The following SMCO4 variants were observed in gnomAD, a reference collection of about 807,000 sequenced individuals.
SMCO4 encodes single-pass membrane and coiled-coil domain-containing protein 4.
In SMCO4, 4 loss-of-function variants were observed where a neutral mutation model predicts 3.6. The ratio of observed to expected loss-of-function variants is 1.11; its 90% CI spans 0.54 to 2.53. The LOEUF (loss-of-function observed/expected upper bound fraction) is 2.53. Ranked by LOEUF, SMCO4 falls within the 30% of genes most tolerant of loss-of-function variation. The pLI is 0.02. For missense variants in SMCO4, 70 were observed against 80.8 expected (o/e 0.87, Z 0.51); for synonymous variants, 36 against 35.3 (o/e 1.02, Z -0.07).
intron 1 of SMCO4, among the ~76,000 whole-genome samples, chr11:93,502,105 T>C (rs963150102): frequency 1.3e-5 from 2 of 152,042 alleles, no homozygotes; most frequent in African/African-American, 4.8e-5. Flanking sequence ...TGGCAGGCAA[T>C]GCAGGAGCTA....
At chr11:93,516,817 G>C (rs1321468876) in intron 1 of SMCO4, among the ~76,000 whole-genome samples, 2 of 150,448 alleles carry the variant, frequency 1.3e-5, no homozygotes, top group African/African-American at 4.9e-5. Flanking sequence ...AAAAAAAGTA[G>C]AGAGAGAGAT....
intron 2 of SMCO4, among the ~76,000 whole-genome samples, chr11:93,486,709 C>T (rs1486850564): frequency 6.6e-6 from 1 of 152,114 alleles, no homozygotes; most frequent in Admixed American, 6.5e-5. Context: ...TGAAGGGGTG[C>T]CTGCCGAGAA....
chr11:93,539,955 A>T (rs1949257960), intron 1 of SMCO4, among the ~76,000 whole-genome samples: 1 of 150,746 alleles, frequency 6.6e-6, no homozygotes, highest in Non-Finnish European at 1.5e-5. Context: ...AACAAAATTA[A>T]TTTAAAAAAA....
At position 93,522,050 on chromosome 11, in the gene SMCO4, A is replaced by T. The variant is rs143745931; in HGVS notation, c.-154+21226T>A. 1.4e-3 allele frequency among the ~76,000 whole-genome samples: 206 copies of T among 152,348 alleles called. No individual in the cohort carries two copies. In the Middle Eastern group the frequency reaches 0.031, roughly 23 times the overall value. ...TCTCTGACTGTGGATTGTGATTAAC[A>T]GTTTGAAAAGCCCCAACTCTAGCCC... On this transcript the variant is annotated intron_variant, in intron 1 of 2. Transcript: ENST00000298966.
chr11:93,523,986 GT>G (rs1279562799), intron 1 of SMCO4, among the ~76,000 whole-genome samples: 4 of 152,172 alleles, frequency 2.6e-5, no homozygotes, highest in African/African-American at 4.8e-5. Flanking sequence ...TCTCCTTCTT[GT>G]TTTGGGGGAG....
At chr11:93,536,911 GACA>G (rs1949231206) in intron 1 of SMCO4, among the ~76,000 whole-genome samples, 1 of 152,216 alleles carries the variant, frequency 6.6e-6, no homozygotes, top group African/African-American at 2.4e-5. Flanking sequence ...TCCCAAGACT[GACA>G]AAGTTCAAGC....
intron 1 of SMCO4, among the ~76,000 whole-genome samples, chr11:93,517,700 T>C (rs1949020736): frequency 6.6e-6 from 1 of 152,142 alleles, no homozygotes; most frequent in Non-Finnish European, 1.5e-5. Flanking sequence ...ACAGCAACCC[T>C]AGAAAGTAAT....
chr11:93,547,381 A>C (rs1321095022), upstream of SMCO4, among the ~76,000 whole-genome samples: 1 of 152,200 alleles, frequency 6.6e-6, no homozygotes, highest in Non-Finnish European at 1.5e-5. Flanking sequence ...AGGATAACAA[A>C]ACCAGTGAAT....
intron 1 of SMCO4, among the ~76,000 whole-genome samples, chr11:93,504,591 A>T (rs1354022545): frequency 2.0e-5 from 3 of 152,188 alleles, no homozygotes; most frequent in Admixed American, 2.0e-4. Flanking sequence ...ACACTGACCT[A>T]ATCTTCTTAC....
intron 1 of SMCO4, among the ~76,000 whole-genome samples, chr11:93,514,374 C>CTATATACATA (rs1364668717): frequency 2.6e-5 from 1 of 39,080 alleles, no homozygotes; most frequent in Admixed American, 3.0e-4. Flanking sequence ...CAGGATGAGG[C>CTATATACATA]TATATATATA....
chr11:93,543,787 T>C (rs1470856759), upstream of SMCO4, among the ~76,000 whole-genome samples: 1 of 152,276 alleles, frequency 6.6e-6, no homozygotes, highest in African/African-American at 2.4e-5. Flanking sequence ...GTTAGCGCCC[T>C]GTCTGGAATA....
intron 1 of SMCO4, among the ~76,000 whole-genome samples, chr11:93,534,398 A>AGAGAGATC (rs1157579206): frequency 6.9e-6 from 1 of 145,948 alleles, no homozygotes; most frequent in South Asian, 2.2e-4. Flanking sequence ...AGAGAGAGAT[A>AGAGAGATC]CATATATATA....
chr11:93,496,109 T>C (rs1260356641), intron 2 of SMCO4, among the ~76,000 whole-genome samples: 1 of 152,122 alleles, frequency 6.6e-6, no homozygotes, highest in Non-Finnish European at 1.5e-5. Flanking sequence ...GCAAGGGAAT[T>C]ACATGATTTG....
upstream of SMCO4, among the ~76,000 whole-genome samples, chr11:93,545,938 T>C (rs1949312876): frequency 6.6e-6 from 1 of 152,226 alleles, no homozygotes; most frequent in Non-Finnish European, 1.5e-5. Flanking sequence ...GGAAAGACCC[T>C]GAGAAGAGAA....
intron 1 of SMCO4, among the ~76,000 whole-genome samples, chr11:93,514,773 G>A (rs1418603200): frequency 2.6e-5 from 4 of 152,094 alleles, no homozygotes; most frequent in Non-Finnish European, 5.9e-5. Context: ...TGAAGGTATC[G>A]TTTTTAATAG....
chr11:93,538,285 C>T (rs1334049922), intron 1 of SMCO4, among the ~76,000 whole-genome samples: 1 of 152,202 alleles, frequency 6.6e-6, no homozygotes, highest in African/African-American at 2.4e-5. Context: ...ACTCCTGCTT[C>T]CCAGTCAACC....
chr11:93,490,282 C>T (rs966431283), intron 2 of SMCO4, among the ~76,000 whole-genome samples: 3 of 152,214 alleles, frequency 2.0e-5, no homozygotes, highest in African/African-American at 7.2e-5. Flanking sequence ...AACACAGCTA[C>T]TATGTCTTTA....
the SMCO4 span, among the ~76,000 whole-genome samples, chr11:93,551,667 G>A: frequency 2.6e-5 from 4 of 152,286 alleles, no homozygotes; most frequent in Admixed American, 6.5e-5. Flanking sequence ...CCTGGAGAGC[G>A]GATGGCTCTA....
chr11:93,499,670 C>T (rs1048867306), intron 1 of SMCO4, among the ~76,000 whole-genome samples: 107 of 152,328 alleles, frequency 7.0e-4, no homozygotes, highest in African/African-American at 2.3e-3. Context: ...AAACTCGCTG[C>T]TAACTTAAGC....
Sources: allele counts gnomAD v4.1 joint callset (sites outside exome capture counted in the v4.1 genomes callset), GRCh38; gene constraint gnomAD v4.1.1; transcripts MANE v1.5; gene names NCBI Gene and HGNC (gene_info 2026-07-23, HGNC 2026-07-21).